The following LRRFIP2 variants were observed in gnomAD, a reference collection of about 807,000 sequenced individuals.
LRRFIP2 encodes the protein LRR binding FLII interacting protein 2, also known as leucine-rich repeat flightless-interacting protein 2.
LRRFIP2 carries 109 observed loss-of-function variants against 125.9 expected under a neutral mutation model. That is an observed-to-expected ratio of 0.87 (90% CI 0.74 to 1.01). LRRFIP2 has a LOEUF of 1.01. Ranked by LOEUF, LRRFIP2 falls within the 50% of genes least tolerant of loss-of-function variation. The pLI, the probability that LRRFIP2 is intolerant of heterozygous loss-of-function variation, is 0.00. For missense variants in LRRFIP2, 850 were observed against 862.3 expected, an observed-to-expected ratio of 0.99 and a Z score of 0.18; for synonymous variants, 291 against 293.1, an observed-to-expected ratio of 0.99 and a Z score of 0.07.
At chr3:37,069,917 G>C (rs1184179954) in intron 21 of LRRFIP2, among the ~76,000 whole-genome samples, 2 of 152,096 alleles carry the variant, frequency 1.3e-5, no homozygotes, top group African/African-American at 4.8e-5. Flanking sequence ...CTTAGGGCTT[G>C]GGAGGGGAAG....
At chr3:37,061,241 G>T (rs1369101433) in intron 24 of LRRFIP2, among the ~76,000 whole-genome samples, 1 of 152,156 alleles carries the variant, frequency 6.6e-6, no homozygotes, top group Admixed American at 6.5e-5. Context: ...CACTTTGGGA[G>T]GACGAGGTGG....
chr3:37,145,466 AG>A (rs2095835166), intron 2 of LRRFIP2, among the ~76,000 whole-genome samples: 1 of 152,204 alleles, frequency 6.6e-6, no homozygotes, highest in African/African-American at 2.4e-5. Flanking sequence ...CTTCAAATTT[AG>A]GTTAATGATA....
chr3:37,073,893 A>T (rs1445149087), intron 20 of LRRFIP2, among the ~76,000 whole-genome samples: 2 of 152,248 alleles, frequency 1.3e-5, no homozygotes, highest in Non-Finnish European at 2.9e-5. Flanking sequence ...CAAAAAGGGA[A>T]AGAATTTCAC....
intron 1 of LRRFIP2, among the ~76,000 whole-genome samples, chr3:37,151,684 G>A (rs951530857): frequency 1.3e-5 from 2 of 149,978 alleles, no homozygotes; most frequent in Middle Eastern, 3.5e-3. Context: ...TGCAACCTCC[G>A]CCTCCCGGGT....
chr3:37,155,425 G>A (rs1022305254), intron 1 of LRRFIP2, among the ~76,000 whole-genome samples: 5 of 152,104 alleles, frequency 3.3e-5, no homozygotes, highest in South Asian at 2.1e-4. Flanking sequence ...CTATAGTATA[G>A]AACAATTTGG....
chr3:37,062,856 GAATA>G (rs776483459), intron 24 of LRRFIP2, among the ~76,000 whole-genome samples: 1 of 152,006 alleles, frequency 6.6e-6, no homozygotes. Flanking sequence ...CAAAATAAGA[GAATA>G]AATAAGGAGA....
At chr3:37,166,665 CTGGA>C in intron 1 of LRRFIP2, among the ~76,000 whole-genome samples, 1 of 151,488 alleles carries the variant, frequency 6.6e-6, no homozygotes, top group Non-Finnish European at 1.5e-5. Flanking sequence ...GGAGACCAGC[CTGGA>C]CGTTGCTTGA....
At position 37,121,496 on chromosome 3, in the gene LRRFIP2, T is replaced by C; in HGVS notation, c.326A>G (p.His109Arg). 1 of 1,613,968 alleles carries C rather than the reference T, an allele frequency of 6.2e-7. No individual in the cohort carries two copies. Residue 109 changes from histidine (H) to arginine (R), a missense_variant, in exon 6 of 28, where the codon CAC becomes CGC. Transcript: ENST00000336686. ...TAGACAAGTTAAAATACCAACCCTG[T>C]GACTGCCAACACTTCGAATGGACAA... ...DALSIRSVGSHRYDMFKDRSS... is the reference protein window; with the variant it reads ...DALSIRSVGSRRYDMFKDRSS...
At chr3:37,168,778 C>G (rs1308040976) in intron 1 of LRRFIP2, among the ~76,000 whole-genome samples, 1 of 152,076 alleles carries the variant, frequency 6.6e-6, no homozygotes, top group Non-Finnish European at 1.5e-5. Context: ...TACACGTGTG[C>G]CCTTTTAAGA....
chr3:37,133,319 C>A (rs533324328), intron 2 of LRRFIP2, among the ~76,000 whole-genome samples: 86 of 152,252 alleles, frequency 5.6e-4, no homozygotes, highest in African/African-American at 1.8e-3. Context: ...TACAAAAGAA[C>A]TGGAAAGCAG....
intron 2 of LRRFIP2, among the ~76,000 whole-genome samples, chr3:37,135,985 T>C (rs985610607): frequency 3.9e-5 from 6 of 152,150 alleles, no homozygotes; most frequent in Admixed American, 2.6e-4. Context: ...AACCTGTAAA[T>C]GAATGTTCAT....
At chr3:37,153,780 A>G (rs1285582525) in intron 1 of LRRFIP2, among the ~76,000 whole-genome samples, 1 of 151,730 alleles carries the variant, frequency 6.6e-6, no homozygotes, top group Admixed American at 6.6e-5. Context: ...CTTCCTGTCT[A>G]TCTTCCTTAT....
chr3:37,091,363 T>C (rs2093427043), intron 18 of LRRFIP2, 104 bp downstream of exon 18: 1 of 746,104 alleles, frequency 1.3e-6, no homozygotes, highest in African/African-American at 1.8e-5. Flanking sequence ...AGACAAACAC[T>C]GTTAGTAAAG....
chr3:37,054,083 A>C, intron 27 of LRRFIP2, 122 bp from the exon 28 acceptor site: 1 of 683,032 alleles, frequency 1.5e-6, no homozygotes, highest in Non-Finnish European at 2.6e-6. Context: ...CAGGACCCAC[A>C]ACCTCATTTT....
chr3:37,159,829 A>G (rs1363303558), intron 1 of LRRFIP2, among the ~76,000 whole-genome samples: 3 of 136,388 alleles, frequency 2.2e-5, no homozygotes, highest in East Asian at 2.0e-4. Flanking sequence ...TTTCTGGAAG[A>G]AAAAAAAAAA....
At position 37,148,959 on chromosome 3, in the gene LRRFIP2, T is replaced by C; in HGVS notation, c.25A>G (p.Lys9Glu). The change falls in exon 2 of 28, where the codon AAA becomes GAA. Residue 9 changes from lysine to glutamate, a missense_variant. Physicochemically the swap from Lys to Glu is moderately conservative, Grantham distance 56 (BLOSUM62 1). Coordinates refer to ENST00000336686, the MANE Select transcript of LRRFIP2 (RefSeq NM_006309.4). MGTPASGRKRTPVKDRFSA... is the reference protein window; with the variant it reads MGTPASGRERTPVKDRFSA... The stretch of plus-strand genomic sequence containing the variant: ...AATCGGTCTTTCACAGGTGTTCTTT[T>C]CCTTCCAGAAGCAGGAGTCCCCATC... 6.2e-7 allele frequency: 1 copy of C among 1,614,090 alleles called. No individual in the cohort carries two copies. The highest frequency in any genetic ancestry group is 8.5e-7 in the Non-Finnish European group (1 of 1,179,982).
chr3:37,168,323 A>G (rs1441129486), intron 1 of LRRFIP2, among the ~76,000 whole-genome samples: 2 of 152,260 alleles, frequency 1.3e-5, no homozygotes, highest in African/African-American at 4.8e-5. Context: ...GTATAAACAT[A>G]CGAAGGAATA....
At chr3:37,072,130 T>C (rs946137142) in intron 21 of LRRFIP2, among the ~76,000 whole-genome samples, 1 of 152,144 alleles carries the variant, frequency 6.6e-6, no homozygotes, top group African/African-American at 2.4e-5. Context: ...CCTCTTCTTA[T>C]CCAAATTCCT....
At chr3:37,096,039 T>C (rs2093700014) in intron 16 of LRRFIP2, among the ~76,000 whole-genome samples, 1 of 152,208 alleles carries the variant, frequency 6.6e-6, no homozygotes, top group Admixed American at 6.5e-5. Flanking sequence ...GCTTTTTACT[T>C]TTTAAATGTG....
Sources: allele counts gnomAD v4.1 joint callset (sites outside exome capture counted in the v4.1 genomes callset), GRCh38; gene constraint gnomAD v4.1.1; transcripts MANE v1.5; gene names NCBI Gene and HGNC (gene_info 2026-07-23, HGNC 2026-07-21).